The following PTPN13 variants were observed in gnomAD, a reference collection of about 807,000 sequenced individuals.
PTPN13 encodes tyrosine-protein phosphatase non-receptor type 13.
A neutral mutation model predicts 284.0 loss-of-function variants in PTPN13; 191 were observed. The ratio of observed to expected loss-of-function variants is 0.67; its 90% CI spans 0.60 to 0.76. PTPN13 has a LOEUF of 0.76. Among genes scored for constraint, PTPN13 ranks in the 30% least tolerant of loss-of-function variants. PTPN13 has a pLI of 0.00. For missense variants in PTPN13, 2,797 were observed against 2,939.9 expected (o/e 0.95, Z 1.12); for synonymous variants, 986 against 1,022.3 (o/e 0.96, Z 0.68).
intron 6 of PTPN13, among the ~76,000 whole-genome samples, chr4:86,699,274 T>A (rs530010282): frequency 1.3e-5 from 2 of 151,838 alleles, no homozygotes; most frequent in Non-Finnish European, 2.9e-5. Context: ...TGGTCCCAAC[T>A]ACTCGGGAGG....
intron 10 of PTPN13, among the ~76,000 whole-genome samples, chr4:86,728,693 G>A (rs1296346866): frequency 2.0e-5 from 1 of 50,352 alleles, no homozygotes; most frequent in African/African-American, 8.1e-5. Flanking sequence ...CCATTTGCTT[G>A]GTAGATCTTC....
chr4:86,690,305 C>A (rs757224786), intron 5 of PTPN13: 2 of 152,188 alleles, frequency 1.3e-5, no homozygotes, highest in Non-Finnish European at 2.9e-5. Flanking sequence ...TGAAAACCAT[C>A]TGTCCAGACC....
At chr4:86,689,363 A>G (rs1273696485) in intron 5 of PTPN13, among the ~76,000 whole-genome samples, 173 bp downstream of exon 5, 2 of 152,212 alleles carry the variant, frequency 1.3e-5, no homozygotes, top group Non-Finnish European at 2.9e-5. Context: ...CTTAAAATTT[A>G]GAAGCTCATT....
chr4:86,746,549 C>T (rs974109309), intron 17 of PTPN13, among the ~76,000 whole-genome samples: 4 of 152,130 alleles, frequency 2.6e-5, no homozygotes, highest in African/African-American at 7.2e-5. Flanking sequence ...CAGGAACCTA[C>T]GTAAAACTCA....
At chr4:86,791,492 G>A (rs1742658939) in intron 40 of PTPN13, among the ~76,000 whole-genome samples, 2 of 152,342 alleles carry the variant, frequency 1.3e-5, no homozygotes, top group Middle Eastern at 6.8e-3. Context: ...ACTCTGAAGA[G>A]AGCAATGGTT....
intron 40 of PTPN13, 38 bp from the exon 41 acceptor site, chr4:86,796,836 C>A (rs1233515719): frequency 1.5e-6 from 2 of 1,326,156 alleles, no homozygotes; most frequent in East Asian, 2.5e-5. Flanking sequence ...TTTTTTGTTA[C>A]AATGGGCTGA....
At chr4:86,722,573 T>G (rs1374852395) in intron 10 of PTPN13, 139 bp downstream of exon 10, 6 of 635,494 alleles carry the variant, frequency 9.4e-6, no homozygotes, top group Admixed American at 8.7e-5. Flanking sequence ...TCATTTCCAC[T>G]GGGATTAAAT....
intron 20 of PTPN13, among the ~76,000 whole-genome samples, chr4:86,754,855 A>G (rs539608602): frequency 2.9e-4 from 44 of 152,066 alleles, no homozygotes; most frequent in Non-Finnish European, 5.3e-4. Flanking sequence ...TGCCCTGGAC[A>G]GTAGGGCCAA....
At chr4:86,812,897 G>A (rs559581294) in intron 47 of PTPN13, among the ~76,000 whole-genome samples, 2 of 152,104 alleles carry the variant, frequency 1.3e-5, no homozygotes, top group East Asian at 3.9e-4. Context: ...GGAGGAAGGT[G>A]TAGTGTTATA....
chr4:86,646,591 C>T (rs1724456298), intron 2 of PTPN13, among the ~76,000 whole-genome samples: 1 of 152,224 alleles, frequency 6.6e-6, no homozygotes, highest in Non-Finnish European at 1.5e-5. Flanking sequence ...AGCCACTGTG[C>T]CCAGCCAGCA....
chr4:86,633,281 C>G (rs1371469414), intron 1 of PTPN13, among the ~76,000 whole-genome samples: 2 of 152,134 alleles, frequency 1.3e-5, no homozygotes, highest in Non-Finnish European at 2.9e-5. Context: ...GGAAGTATAG[C>G]TGGCTTCTGA....
chr4:86,622,512 A>C lies in PTPN13; in HGVS notation c.-5-12740A>C, dbSNP rs145396132. 4.0e-3 allele frequency among the ~76,000 whole-genome samples: 603 copies of C among 152,324 alleles called. 1 individual carries two copies. Among genetic ancestry groups the C allele is most frequent in the African/African-American group, 0.014 (575 of 41,584 alleles). On this transcript the variant is annotated intron_variant, in intron 1 of 47. Transcript: ENST00000411767. ...TCTAGGTCTTAAAATGAAAGGAAAAAAGTTGAACTTTAAAAATATAACCAA... is the reference window on the plus strand; with the variant it reads ...TCTAGGTCTTAAAATGAAAGGAAAACAGTTGAACTTTAAAAATATAACCAA...
chr4:86,685,800 G>T (rs1221493472), intron 3 of PTPN13, among the ~76,000 whole-genome samples: 1 of 152,176 alleles, frequency 6.6e-6, no homozygotes, highest in Non-Finnish European at 1.5e-5. Context: ...CAACTGTTAT[G>T]CAAGGGAATC....
intron 7 of PTPN13, among the ~76,000 whole-genome samples, chr4:86,710,065 C>T (rs1372825164): frequency 2.0e-5 from 3 of 152,134 alleles, no homozygotes; most frequent in Non-Finnish European, 2.9e-5. Flanking sequence ...ACAAAAGGTA[C>T]AGTCGCTAAT....
chr4:86,685,729 C>T (rs551937651), intron 3 of PTPN13, among the ~76,000 whole-genome samples: 1 of 152,284 alleles, frequency 6.6e-6, no homozygotes, highest in African/African-American at 2.4e-5. Flanking sequence ...AAAACTCTTA[C>T]ATGTACAAAA....
At chr4:86,621,296 C>A (rs1293404811) in intron 1 of PTPN13, among the ~76,000 whole-genome samples, 1 of 152,092 alleles carries the variant, frequency 6.6e-6, no homozygotes, top group Non-Finnish European at 1.5e-5. Flanking sequence ...AGATGTAGCC[C>A]TCATGTATTT....
intron 15 of PTPN13, among the ~76,000 whole-genome samples, chr4:86,736,513 A>T (rs1735531048): frequency 6.6e-6 from 1 of 152,198 alleles, no homozygotes; most frequent in Non-Finnish European, 1.5e-5. Flanking sequence ...TTATTCACAG[A>T]CTTACATTAC....
chr4:86,630,727 T>C (rs1247720017), intron 1 of PTPN13, among the ~76,000 whole-genome samples: 1 of 152,164 alleles, frequency 6.6e-6, no homozygotes, highest in Non-Finnish European at 1.5e-5. Context: ...CATGTTTCTA[T>C]TAGCCCTATT....
At chr4:86,733,476 G>T (rs1036263703) in intron 12 of PTPN13, among the ~76,000 whole-genome samples, 1 of 152,050 alleles carries the variant, frequency 6.6e-6, no homozygotes, top group Non-Finnish European at 1.5e-5. Context: ...CAGGTTAAAG[G>T]ATCCTAAAAC....
Sources: allele counts gnomAD v4.1 joint callset (sites outside exome capture counted in the v4.1 genomes callset), GRCh38; gene constraint gnomAD v4.1.1; transcripts MANE v1.5; gene names NCBI Gene and HGNC (gene_info 2026-07-23, HGNC 2026-07-21).